The following RALYL variants were observed in gnomAD, a reference collection of about 807,000 sequenced individuals.
RALYL encodes RNA-binding Raly-like protein.
In RALYL, 29 loss-of-function variants were observed where a neutral mutation model predicts 35.1. The ratio of observed to expected loss-of-function variants is 0.83; its 90% CI spans 0.61 to 1.13. The LOEUF is 1.13. Among genes scored for constraint, RALYL ranks in the 50% most tolerant of loss-of-function variants. RALYL has a pLI of 0.00. For synonymous variants in RALYL, 120 were observed against 127.6 expected (o/e 0.94, Z 0.40); for missense variants, 359 against 360.4 (o/e 1.00, Z 0.03).
chr8:84,549,026 A>G (rs529441351), intron 2 of RALYL, among the ~76,000 whole-genome samples: 5 of 152,292 alleles, frequency 3.3e-5, no homozygotes, highest in East Asian at 1.9e-4. Context: ...CTGTTTCCAT[A>G]TGGATCTACT....
intron 2 of RALYL, among the ~76,000 whole-genome samples, chr8:84,596,914 AG>A (rs1471122741): frequency 3.9e-5 from 6 of 152,104 alleles, no homozygotes; most frequent in Admixed American, 2.6e-4. Flanking sequence ...TAGAGCAGAA[AG>A]GGGGAGGCTG....
At chr8:84,247,077 A>G (rs1829251298) in intron 1 of RALYL, among the ~76,000 whole-genome samples, 1 of 152,164 alleles carries the variant, frequency 6.6e-6, no homozygotes, top group Non-Finnish European at 1.5e-5. Context: ...GGTTAGTGAA[A>G]TTATCCAAAT....
chr8:84,288,492 A>G (rs1156689918), intron 1 of RALYL, among the ~76,000 whole-genome samples: 1 of 150,984 alleles, frequency 6.6e-6, no homozygotes, highest in African/African-American at 2.4e-5. Flanking sequence ...ACATTCATCA[A>G]TTACATGAAA....
intron 1 of RALYL, among the ~76,000 whole-genome samples, chr8:84,287,905 T>C (rs1837975305): frequency 6.6e-6 from 1 of 152,178 alleles, no homozygotes; most frequent in Non-Finnish European, 1.5e-5. Flanking sequence ...GAACAAACAA[T>C]CCTCATTTGT....
At chr8:84,813,387 C>T (rs944050393) in intron 4 of RALYL, among the ~76,000 whole-genome samples, 1 of 152,182 alleles carries the variant, frequency 6.6e-6, no homozygotes, top group South Asian at 2.1e-4. Flanking sequence ...AGCCTCTGCA[C>T]GCTGCTCTGT....
intron 1 of RALYL, among the ~76,000 whole-genome samples, chr8:84,524,392 C>T (rs1208273840): frequency 6.6e-6 from 1 of 152,084 alleles, no homozygotes; most frequent in African/African-American, 2.4e-5. Flanking sequence ...AAATCAAAAC[C>T]ACAAAGAGAT....
rs560858510 is a variant in RALYL at position 84,243,166 on chromosome 8, C to G, written c.-24+58742C>G. The stretch of plus-strand genomic sequence containing the variant: ...CTTATTTCTGAGTTATCTACCTGTT[C>G]CATTGGTCTATGTGTCTGTTTTTGT... On this transcript the variant is annotated intron_variant, in intron 1 of 8. Transcript: ENST00000521268. 5.9e-5 allele frequency among the ~76,000 whole-genome samples: 9 copies of G among 152,236 alleles called. No homozygotes were observed. In the South Asian group the frequency reaches 1.9e-3, roughly 32 times the overall value.
chr8:84,277,397 T>C (rs1413665088), intron 1 of RALYL, among the ~76,000 whole-genome samples: 2 of 152,044 alleles, frequency 1.3e-5, no homozygotes, highest in Non-Finnish European at 2.9e-5. Context: ...ATGGGGCTTA[T>C]TATAATTAAA....
intron 1 of RALYL, among the ~76,000 whole-genome samples, chr8:84,467,225 T>C (rs2051827428): frequency 6.6e-6 from 1 of 152,142 alleles, no homozygotes; most frequent in Admixed American, 6.5e-5. Flanking sequence ...ATTCTTTTAA[T>C]TGTGATGTTA....
At chr8:84,570,786 G>A (rs558041927) in intron 2 of RALYL, among the ~76,000 whole-genome samples, 1 of 151,770 alleles carries the variant, frequency 6.6e-6, no homozygotes, top group African/African-American at 2.4e-5. Context: ...TGTGGGTTTT[G>A]TATCATGAAG....
At position 84,645,230 on chromosome 8, in the gene RALYL, T is replaced by C. The variant is rs546763307; in HGVS notation, c.256+115653T>C. 3.9e-5 allele frequency among the ~76,000 whole-genome samples: 6 copies of C among 152,058 alleles called. No homozygotes were observed. The South Asian group carries it at 1.0e-3, about 26-fold the overall frequency. The stretch of plus-strand genomic sequence containing the variant: ...TGAATATATTATTTTTACTGTGTTT[T>C]CCCCCCACTATGTTGTGTTTTTGTT... On this transcript the variant is annotated intron_variant, in intron 2 of 8. Coordinates refer to ENST00000521268, the MANE Select transcript of RALYL (RefSeq NM_173848.7).
At chr8:84,559,174 T>C (rs1219766376) in intron 2 of RALYL, among the ~76,000 whole-genome samples, 2 of 152,078 alleles carry the variant, frequency 1.3e-5, no homozygotes, top group Non-Finnish European at 2.9e-5. Context: ...AAAAAGATGA[T>C]AAAATAATGT....
In RALYL at chr8:84,356,489, A is replaced by G. The variant is rs1375961527; in HGVS notation, c.-24+172065A>G. On this transcript the variant is annotated intron_variant, in intron 1 of 8. Transcript: ENST00000521268. ...AAATGGCTACAACAGACATCATGTT[A>G]TCATTAAAGGCAGAAGGATGGAACA... Among the ~76,000 whole-genome samples the G allele has an allele frequency of 2.7e-5, 4 of 150,480 alleles. No individual in the cohort carries two copies. The East Asian group carries it at 7.7e-4, about 29-fold the overall frequency.
chr8:84,622,940 C>A lies in RALYL; in HGVS notation c.256+93363C>A, dbSNP rs1588589093. 2.0e-5 allele frequency among the ~76,000 whole-genome samples: 3 copies of A among 152,244 alleles called. 1 individual carries two copies. In the South Asian group the frequency reaches 6.2e-4, roughly 32 times the overall value. On this transcript the variant is annotated intron_variant, in intron 2 of 8. Coordinates refer to ENST00000521268, the MANE Select transcript of RALYL (RefSeq NM_173848.7). ...AAGTTTGGTTGTGACAAATTAAAGA[C>A]TGCACCTTTTTGAGATAGTCATGTA...
At chr8:84,272,101 GT>G (rs545387131) in intron 1 of RALYL, among the ~76,000 whole-genome samples, 2 of 151,648 alleles carry the variant, frequency 1.3e-5, no homozygotes, top group Non-Finnish European at 2.9e-5. Context: ...TTTTATTTTT[GT>G]TTTTTTGGAG....
chr8:84,590,210 G>A (rs1206927015), intron 2 of RALYL, among the ~76,000 whole-genome samples: 7 of 152,158 alleles, frequency 4.6e-5, no homozygotes, highest in Non-Finnish European at 5.9e-5. Context: ...GTTCCACCCC[G>A]CCCATGCCAG....
chr8:84,783,071 C>T (rs1371634728), intron 3 of RALYL, among the ~76,000 whole-genome samples: 3 of 152,194 alleles, frequency 2.0e-5, no homozygotes, highest in African/African-American at 7.2e-5. Context: ...TTCTCCTTCT[C>T]AATCTATCCC....
intron 5 of RALYL, among the ~76,000 whole-genome samples, chr8:84,856,704 T>C (rs529600298): frequency 6.6e-6 from 1 of 152,274 alleles, no homozygotes; most frequent in African/African-American, 2.4e-5. Context: ...GTTTAAACAG[T>C]ACAGGGAACA....
intron 6 of RALYL, among the ~76,000 whole-genome samples, chr8:84,867,136 C>A (rs2135142038): frequency 6.6e-6 from 1 of 152,306 alleles, no homozygotes; most frequent in Non-Finnish European, 1.5e-5. Context: ...AGATGACCAT[C>A]TTCTCCCCAT....
Sources: gnomAD v4.1 joint callset for allele counts (sites outside exome capture counted in the v4.1 genomes callset) on GRCh38, gnomAD v4.1.1 for gene constraint, MANE v1.5 for transcripts, NCBI Gene and HGNC (gene_info 2026-07-23, HGNC 2026-07-21) for gene names.